The following RNGTT variants were observed in gnomAD, a reference collection of about 807,000 sequenced individuals.
RNGTT encodes mRNA-capping enzyme.
RNGTT carries 33 observed loss-of-function variants against 79.3 expected under a neutral mutation model. The observed-to-expected ratio is 0.42, with a 90% confidence interval of 0.32 to 0.56. The LOEUF (loss-of-function observed/expected upper bound fraction) is 0.56. Ranked by LOEUF, RNGTT falls within the 20% of genes least tolerant of loss-of-function variation. RNGTT has a pLI of 0.17. For missense variants in RNGTT, 497 were observed against 739.1 expected (o/e 0.67, Z 3.80); for synonymous variants, 222 against 235.9 (o/e 0.94, Z 0.54).
intron 6 of RNGTT, among the ~76,000 whole-genome samples, chr6:88,894,934 A>T (rs1294882278): frequency 6.6e-6 from 1 of 152,108 alleles, no homozygotes; most frequent in Admixed American, 6.5e-5. Flanking sequence ...AATTAATTTT[A>T]AAAATAAATT....
intron 12 of RNGTT, among the ~76,000 whole-genome samples, chr6:88,798,562 TTATA>T (rs1384444811): frequency 6.6e-6 from 1 of 151,996 alleles, no homozygotes; most frequent in African/African-American, 2.4e-5. Context: ...GCTTAAAAAA[TTATA>T]TATATCATGA....
chr6:88,951,290 C>G (rs900123253), intron 1 of RNGTT, among the ~76,000 whole-genome samples: 6 of 152,276 alleles, frequency 3.9e-5, no homozygotes, highest in African/African-American at 1.4e-4. Flanking sequence ...AATCTAGCCC[C>G]AGTTAAGATG....
intron 10 of RNGTT, among the ~76,000 whole-genome samples, chr6:88,848,309 A>G (rs1166514206): frequency 1.3e-5 from 2 of 152,042 alleles, no homozygotes; most frequent in Non-Finnish European, 2.9e-5. Flanking sequence ...ATGATACACT[A>G]ATGACGGAAC....
chr6:88,782,747 T>C (rs1485489093), intron 12 of RNGTT, among the ~76,000 whole-genome samples: 1 of 152,076 alleles, frequency 6.6e-6, no homozygotes, highest in African/African-American at 2.4e-5. Flanking sequence ...GAATAGACAC[T>C]TCTCAAAATA....
intron 14 of RNGTT, among the ~76,000 whole-genome samples, chr6:88,647,591 A>C (rs570066337): frequency 6.6e-6 from 1 of 151,746 alleles, no homozygotes; most frequent in East Asian, 1.9e-4. Context: ...ATGCACCTGT[A>C]GTCCCAGCTA....
At chr6:88,933,139 T>C (rs191511540) in intron 2 of RNGTT, among the ~76,000 whole-genome samples, 8 of 152,348 alleles carry the variant, frequency 5.3e-5, no homozygotes, top group Middle Eastern at 3.4e-3. Context: ...TTAATTGATA[T>C]GCTATATTTT....
chr6:88,632,443 C>T (rs1459173318), intron 14 of RNGTT, among the ~76,000 whole-genome samples: 1 of 151,920 alleles, frequency 6.6e-6, no homozygotes, highest in Non-Finnish European at 1.5e-5. Context: ...TATAACTTTG[C>T]AGGGCAAATG....
Position 88,612,891 on chromosome 6 carries a change from A to G in RNGTT, c.1631-9T>C. 7.4e-6 allele frequency: 12 copies of G among 1,611,838 alleles called. No homozygotes were observed. The highest frequency in any genetic ancestry group is 9.3e-6 in the Non-Finnish European group (11 of 1,178,648). On this transcript the variant is annotated splice_polypyrimidine_tract_variant and intron_variant, in intron 15 of 15. Coordinates refer to ENST00000369485, the MANE Select transcript of RNGTT (RefSeq NM_003800.5). Reference sequence around the variant, plus strand: ...GATGCTGTTACACACAGCTGTGGACAAAGGGAGACAGGTCTCATGTGAGGG... The same window carrying G: ...GATGCTGTTACACACAGCTGTGGACGAAGGGAGACAGGTCTCATGTGAGGG...
intron 11 of RNGTT, among the ~76,000 whole-genome samples, chr6:88,813,058 T>C (rs887936037): frequency 6.6e-6 from 1 of 151,780 alleles, no homozygotes; most frequent in African/African-American, 2.4e-5. Context: ...CCCTAAAGAG[T>C]TAAAGAAACC....
chr6:88,635,546 A>G (rs1773068230), intron 14 of RNGTT, among the ~76,000 whole-genome samples: 2 of 152,074 alleles, frequency 1.3e-5, no homozygotes, highest in Admixed American at 1.3e-4. Context: ...ATTGTCCTGC[A>G]GTCTCTCCTC....
chr6:88,835,283 T>C (rs557088648), intron 11 of RNGTT, among the ~76,000 whole-genome samples: 25 of 152,186 alleles, frequency 1.6e-4, no homozygotes, highest in African/African-American at 6.0e-4. Context: ...AAGCACAATT[T>C]CCTAAAATCA....
intron 11 of RNGTT, among the ~76,000 whole-genome samples, 190 bp from the exon 12 acceptor site, chr6:88,801,822 GACACAC>G (rs56124919): frequency 0.02 from 2,437 of 123,238 alleles, 57 homozygotes; most frequent in African/African-American, 0.06. Flanking sequence ...CACACACACA[GACACAC>G]ACACACACAC....
intron 12 of RNGTT, among the ~76,000 whole-genome samples, chr6:88,786,864 G>A (rs906891210): frequency 5.3e-5 from 8 of 152,122 alleles, no homozygotes; most frequent in African/African-American, 1.9e-4. Context: ...GGGACCTTTG[G>A]GAGGTGATTA....
intron 4 of RNGTT, among the ~76,000 whole-genome samples, chr6:88,915,083 G>C (rs1314787063): frequency 1.3e-5 from 2 of 152,130 alleles, no homozygotes; most frequent in African/African-American, 4.8e-5. Context: ...TCTCATACCA[G>C]TCAGAATGGT....
rs1264438472 is a variant in RNGTT, at chr6:88,686,941, TA to T, written c.1440-8523del. ...CTTCAATCTTGATATAACAAGGAAA[TA>T]AGAGAAAATGTTGGTAAATCATACT... is the stretch of plus-strand genomic sequence containing the variant. On this transcript the variant is annotated intron_variant, in intron 13 of 15. Transcript: ENST00000369485. 2.0e-5 allele frequency among the ~76,000 whole-genome samples: 3 copies of T among 146,652 alleles called. No individual in the cohort carries two copies. The South Asian group carries it at 6.2e-4, about 31-fold the overall frequency.
intron 2 of RNGTT, among the ~76,000 whole-genome samples, chr6:88,940,371 A>ACCCAGC (rs1219250408): frequency 6.6e-6 from 1 of 151,992 alleles, no homozygotes; most frequent in Non-Finnish European, 1.5e-5. Context: ...GAGCCATGGC[A>ACCCAGC]CCCAGCCCCA....
intron 8 of RNGTT, among the ~76,000 whole-genome samples, chr6:88,857,437 G>A (rs1056987289): frequency 1.3e-5 from 2 of 152,044 alleles, no homozygotes; most frequent in Non-Finnish European, 2.9e-5. Context: ...TAAGTATCTT[G>A]CACAGTCTAC....
chr6:88,689,874 A>AT (rs369004972), intron 13 of RNGTT, among the ~76,000 whole-genome samples: 22,482 of 144,714 alleles, frequency 0.16, 1,980 homozygotes, highest in African/African-American at 0.25. Context: ...CGTAACAATT[A>AT]CAAAAAAAAA....
chr6:88,751,339 A>C (rs917357734), intron 13 of RNGTT, among the ~76,000 whole-genome samples: 2 of 152,154 alleles, frequency 1.3e-5, no homozygotes, highest in Admixed American at 6.6e-5. Context: ...TACATATTCC[A>C]GCTTGACTTA....
Sources: allele counts gnomAD v4.1 joint callset (sites outside exome capture counted in the v4.1 genomes callset), GRCh38; gene constraint gnomAD v4.1.1; transcripts MANE v1.5; gene names NCBI Gene and HGNC (gene_info 2026-07-23, HGNC 2026-07-21).